CCDC144A: variants seen among roughly 807,000 people sequenced by gnomAD.
CCDC144A encodes coiled-coil domain-containing protein 144A.
In CCDC144A, 41 loss-of-function variants were observed where a neutral mutation model predicts 143.8. The ratio of observed to expected loss-of-function variants is 0.29; its 90% confidence interval spans 0.22 to 0.37. The LOEUF is 0.37. Among genes scored for constraint, CCDC144A ranks in the 10% least tolerant of loss-of-function variants. The pLI is 1.00. For missense variants in CCDC144A, 637 were observed against 1,488.8 expected, an observed-to-expected ratio of 0.43 and a Z score of 9.41; for synonymous variants, 242 against 517.9, an observed-to-expected ratio of 0.47 and a Z score of 7.23.
chr17:16,773,596 A>G lies in CCDC144A; in HGVS notation c.4241A>G (p.Glu1414Gly). 6.5e-7 allele frequency: 1 copy of G among 1,546,230 alleles called. No individual in the cohort carries two copies. Among genetic ancestry groups the G allele is most frequent in the Non-Finnish European group, 8.7e-7 (1 of 1,145,172 alleles). Residue 1414 changes from glutamate (E) to glycine (G), a missense_variant, in exon 17 of 17, where the codon GAA (glutamate) becomes GGA (glycine). By Grantham distance (98) the Glu-to-Gly change is moderately conservative (BLOSUM62 -2). Coordinates refer to ENST00000399273, the MANE Select transcript of CCDC144A (RefSeq NM_001382000.1). ...NQDPVLEVTKEYAQILRRKYI... is the reference protein window; with the variant it reads ...NQDPVLEVTKGYAQILRRKYI... ...GATCCAGTTTTGGAAGTAACAAAAG[A>G]ATATGCACAGATTTTAAGAAGAAAA...
intron 8 of CCDC144A, among the ~76,000 whole-genome samples, chr17:16,724,276 G>A (rs1041001146): frequency 2.0e-4 from 30 of 152,128 alleles, no homozygotes; most frequent in African/African-American, 6.7e-4. Flanking sequence ...AGTGGCTCAC[G>A]CCTGTAATCC....
At chr17:16,685,940 T>A (rs1307589624), upstream of CCDC144A, among the ~76,000 whole-genome samples, 4 of 149,998 alleles carry the variant, frequency 2.7e-5, no homozygotes, top group African/African-American at 9.8e-5. Context: ...TCTGGCTATT[T>A]TTTTTTTTTT....
upstream of CCDC144A, among the ~76,000 whole-genome samples, chr17:16,685,092 C>T (rs560687014): frequency 2.6e-5 from 4 of 152,306 alleles, no homozygotes; most frequent in South Asian, 2.1e-4. Flanking sequence ...CAGGCTATGG[C>T]GTGATCTCAT....
chr17:16,682,753 A>T, the CCDC144A span, among the ~76,000 whole-genome samples: 1 of 151,990 alleles, frequency 6.6e-6, no homozygotes, highest in Non-Finnish European at 1.5e-5. Flanking sequence ...CTGAGGAATT[A>T]TGCTTTAATT....
chr17:16,711,603 C>G, intron 5 of CCDC144A, 76 bp from the exon 6 acceptor site: 1 of 1,606,280 alleles, frequency 6.2e-7, no homozygotes, highest in Admixed American at 1.7e-5. Flanking sequence ...ATGATGAAAT[C>G]AATGCAAACA....
At chr17:16,766,983 T>C (rs1450414343) in intron 15 of CCDC144A, 2 of 152,046 alleles carry the variant, frequency 1.3e-5, no homozygotes, top group Non-Finnish European at 2.9e-5. Context: ...CTAAAAGAGA[T>C]TTAAAAGCAT....
At chr17:16,714,620 T>A (rs1375394597) in intron 6 of CCDC144A, among the ~76,000 whole-genome samples, 1 of 152,070 alleles carries the variant, frequency 6.6e-6, no homozygotes, top group Non-Finnish European at 1.5e-5. Context: ...TCTAGATGCA[T>A]GTAATAGACT....
chr17:16,688,769 G>A (rs1910883282), upstream of CCDC144A, among the ~76,000 whole-genome samples: 1 of 151,932 alleles, frequency 6.6e-6, no homozygotes, highest in South Asian at 2.1e-4. Flanking sequence ...ATTACAGGTG[G>A]GAGCCACTGC....
chr17:16,702,097 A>T (rs1280517299), intron 2 of CCDC144A, among the ~76,000 whole-genome samples: 1 of 152,200 alleles, frequency 6.6e-6, no homozygotes, highest in Non-Finnish European at 1.5e-5. Flanking sequence ...AGGAAATGCC[A>T]GTGTTTTTCT....
upstream of CCDC144A, among the ~76,000 whole-genome samples, chr17:16,685,853 C>G (rs568337279): frequency 6.6e-6 from 1 of 151,756 alleles, no homozygotes; most frequent in East Asian, 1.9e-4. Flanking sequence ...CTCACTGCAA[C>G]CTCCGCCTCC....
chr17:16,746,680 G>A lies in CCDC144A; in HGVS notation c.3372+11037G>A, dbSNP rs571027429. On this transcript the variant is annotated intron_variant, in intron 12 of 16. Coordinates refer to ENST00000399273, the MANE Select transcript of CCDC144A (RefSeq NM_001382000.1). Reference sequence around the variant, plus strand: ...TCAGGTCGGCGGCGAAGAACTCGAAGTAGTCGTGTGCTGGCAGCGGGCGCA... The same window carrying A: ...TCAGGTCGGCGGCGAAGAACTCGAAATAGTCGTGTGCTGGCAGCGGGCGCA... 5.2e-4 allele frequency: 837 copies of A among 1,611,020 alleles called. 6 individuals are homozygous for A. In the African/African-American group the frequency reaches 0.01, roughly 20 times the overall value.
intron 2 of CCDC144A, among the ~76,000 whole-genome samples, chr17:16,703,665 G>A (rs1290699393): frequency 1.3e-5 from 2 of 151,908 alleles, no homozygotes; most frequent in Admixed American, 6.6e-5. Flanking sequence ...TTAGCCGGGC[G>A]TGGTGGAGGG....
chr17:16,748,586 A>T (rs1473184742), intron 12 of CCDC144A, among the ~76,000 whole-genome samples: 1 of 152,186 alleles, frequency 6.6e-6, no homozygotes, highest in African/African-American at 2.4e-5. Flanking sequence ...TTTTAGTATC[A>T]AGATGATGCT....
Position 16,730,777 on chromosome 17 carries a change from C to A in CCDC144A, c.2106-1023C>A, listed in dbSNP as rs1465204940. The stretch of plus-strand genomic sequence containing the variant: ...CAGCTGTTGTAAAAGGGATTAGGTT[C>A]TTGATTAGATTCTCACATTGGTCAT... On this transcript the variant is annotated intron_variant, in intron 9 of 16. Transcript: ENST00000399273. Among the ~76,000 whole-genome samples the A allele has an allele frequency of 2.9e-5, 4 of 139,574 alleles. 1 individual carries two copies. Among genetic ancestry groups the A allele is most frequent in the Non-Finnish European group, 5.9e-5 (4 of 67,260 alleles). The allele number at this position is 139,574 out of a possible 152,430, so 91.6% of individuals were successfully genotyped here. A position where few individuals can be genotyped will look rare whatever the true frequency, so the allele number is the denominator to read the frequency against.
chr17:16,706,933 T>A (rs1912098075), intron 3 of CCDC144A: 1 of 152,188 alleles, frequency 6.6e-6, no homozygotes, highest in Non-Finnish European at 1.5e-5. Flanking sequence ...CACCTAGCAG[T>A]CTGTTTTTTA....
chr17:16,711,154 A>AAAAAAC (rs1261984842), intron 5 of CCDC144A, among the ~76,000 whole-genome samples: 1 of 142,464 alleles, frequency 7.0e-6, no homozygotes, highest in African/African-American at 2.6e-5. Flanking sequence ...AAAAAAAAAA[A>AAAAAAC]AAAACAAAAG....
chr17:16,720,453 G>A (rs1913026831), intron 7 of CCDC144A, 64 bp from the exon 8 acceptor site: 1 of 1,551,210 alleles, frequency 6.4e-7, no homozygotes, highest in Non-Finnish European at 8.7e-7. Context: ...TACCGCTTCT[G>A]TACCTTTAGT....
upstream of CCDC144A, among the ~76,000 whole-genome samples, chr17:16,685,870 T>G (rs914251632): frequency 6.6e-6 from 1 of 151,686 alleles, no homozygotes; most frequent in Non-Finnish European, 1.5e-5. Flanking sequence ...CTCCTTTGTT[T>G]AAGTGATTCT....
In CCDC144A at chr17:16,690,464, G is replaced by A. The variant is rs1418241760; in HGVS notation, c.64G>A (p.Ala22Thr). The A allele has an allele frequency of 1.9e-6, 3 of 1,612,568 alleles. No individual in the cohort carries two copies. Among genetic ancestry groups the A allele is most frequent in the South Asian group, 1.1e-5 (1 of 90,998 alleles). The change falls in exon 1 of 17, where the codon GCC (alanine) becomes ACC (threonine). Residue 22 changes from alanine (A) to threonine (T), a missense_variant. Coordinates refer to ENST00000399273, the MANE Select transcript of CCDC144A (RefSeq NM_001382000.1). ...AEGSPKPAVY[A>T]TRKTPSVGSQ... ...GGGGTCTCCGAAGCCGGCAGTCTAC[G>A]CCACGAGGAAGACCCCTAGCGTCGG...
Sources: gnomAD v4.1 joint callset for allele counts (sites outside exome capture counted in the v4.1 genomes callset) on GRCh38, gnomAD v4.1.1 for gene constraint, MANE v1.5 for transcripts, NCBI Gene and HGNC (gene_info 2026-07-23, HGNC 2026-07-21) for gene names.